GCNT1: variants seen among roughly 807,000 people sequenced by gnomAD.
GCNT1 encodes glucosaminyl (N-acetyl) transferase 1, also known as beta-1,3-galactosyl-O-glycosyl-glycoprotein beta-1,6-N-acetylglucosaminyltransferase.
Under a neutral mutation model 26.2 loss-of-function variants are expected in GCNT1, and 16 were observed. That is an observed-to-expected ratio of 0.61 (90% CI 0.41 to 0.93). GCNT1 has a LOEUF of 0.93. Among genes scored for constraint, GCNT1 ranks in the 40% least tolerant of loss-of-function variants. The probability of loss-of-function intolerance (pLI) is 0.00; values close to 1 mark genes in which losing one functional copy is unlikely to be tolerated. For synonymous variants in GCNT1, 183 were observed against 190.8 expected (o/e 0.96, Z 0.34); for missense variants, 477 against 526.7 (o/e 0.91, Z 0.92).
At position 76,490,648 on chromosome 9, in the gene GCNT1, G is replaced by A. The variant is rs147761343; in HGVS notation, c.-289-10268G>A. ...TTAATAAAACCTTGTTCAGTCCATA[G>A]TAACTTAGAATTGGTATAGATGGCT... is the stretch of plus-strand genomic sequence containing the variant. On this transcript the variant is annotated intron_variant, in intron 2 of 3. Coordinates refer to ENST00000376730, the MANE Select transcript of GCNT1 (RefSeq NM_001490.5). Among the ~76,000 whole-genome samples, 49 of 152,332 alleles carry A rather than the reference G, an allele frequency of 3.2e-4. No homozygotes were observed. The East Asian group carries it at 8.9e-3, about 28-fold the overall frequency.
rs1342113649 is a variant in GCNT1 at position 76,502,962 on chromosome 9, A to C, written c.581A>C (p.Gln194Pro). 6.2e-7 allele frequency: 1 copy of C among 1,613,134 alleles called. No individual in the cohort carries two copies. The highest frequency in any genetic ancestry group is 8.5e-7 in the Non-Finnish European group (1 of 1,179,968). ...SVVYASWSRV[Q>P]ADLNCMKDLY... is the part of the protein sequence containing the mutation. ...GTTTATGCATCGTGGAGCCGGGTTC[A>C]GGCTGACCTCAACTGCATGAAGGAT... Residue 194 changes from glutamine to proline, a missense_variant, in exon 4 of 4, where the codon CAG becomes CCG. Gln to Pro is a moderately conservative substitution (Grantham distance 76). Transcript: ENST00000376730.
chr9:76,489,772 G>A (rs1184904329), intron 2 of GCNT1, among the ~76,000 whole-genome samples: 2 of 152,162 alleles, frequency 1.3e-5, no homozygotes, highest in Non-Finnish European at 2.9e-5. Flanking sequence ...CACCCCAACT[G>A]CTGTTGGGAA....
At chr9:76,434,832 G>C (rs1428155506) in intron 1 of GCNT1, among the ~76,000 whole-genome samples, 1 of 152,074 alleles carries the variant, frequency 6.6e-6, no homozygotes, top group African/African-American at 2.4e-5. Flanking sequence ...TGCATTCCTG[G>C]GGAGAGGTCT....
chr9:76,448,527 A>G lies in GCNT1; in HGVS notation c.-290+6212A>G, dbSNP rs578030354. On this transcript the variant is annotated intron_variant, in intron 1 of 2. Transcript: ENST00000442371. ...TATAGCTGTTTAGGTGTATAGTTCCATGACTTCTGACCAACCTACTAACCC... is the reference window on the plus strand; with the variant it reads ...TATAGCTGTTTAGGTGTATAGTTCCGTGACTTCTGACCAACCTACTAACCC... 2.6e-5 allele frequency among the ~76,000 whole-genome samples: 4 copies of G among 152,284 alleles called. No individual in the cohort carries two copies. In the South Asian group the frequency reaches 8.3e-4, roughly 32 times the overall value.
At chr9:76,440,718 C>T (rs1823472803), upstream of GCNT1, among the ~76,000 whole-genome samples, 2 of 152,152 alleles carry the variant, frequency 1.3e-5, no homozygotes, top group Non-Finnish European at 2.9e-5. Flanking sequence ...TAAGAGGAGT[C>T]TTCCCTGGTC....
intron 2 of GCNT1, among the ~76,000 whole-genome samples, chr9:76,478,505 C>T (rs560162011): frequency 3.9e-5 from 6 of 152,276 alleles, no homozygotes; most frequent in African/African-American, 9.6e-5. Flanking sequence ...TAATACTCAC[C>T]GGGAGGGTCC....
chr9:76,480,384 C>G (rs1326503809), intron 2 of GCNT1, among the ~76,000 whole-genome samples: 1 of 152,038 alleles, frequency 6.6e-6, no homozygotes, highest in African/African-American at 2.4e-5. Context: ...TTTTCCAATT[C>G]TGTGAAAAAA....
chr9:76,430,452 G>T (rs549756643), intron 1 of GCNT1, among the ~76,000 whole-genome samples: 2 of 152,038 alleles, frequency 1.3e-5, no homozygotes, highest in South Asian at 2.1e-4. Context: ...TGGGATCATG[G>T]CTCCCTGCAT....
the GCNT1 span, among the ~76,000 whole-genome samples, chr9:76,407,883 A>C: frequency 6.6e-6 from 1 of 152,136 alleles, no homozygotes; most frequent in Middle Eastern, 3.2e-3. Flanking sequence ...TGTTAATATA[A>C]ATGGTATTGA....
At chr9:76,463,344 T>C (rs1023519384) in intron 2 of GCNT1, among the ~76,000 whole-genome samples, 2 of 152,194 alleles carry the variant, frequency 1.3e-5, no homozygotes, top group African/African-American at 4.8e-5. Context: ...TGTGACTGCG[T>C]TGGTTGCCCA....
the GCNT1 span, among the ~76,000 whole-genome samples, chr9:76,412,990 G>A: frequency 6.6e-6 from 1 of 152,136 alleles, no homozygotes. Flanking sequence ...CAGCCCATGG[G>A]TTCCTCATTC....
At chr9:76,403,722 T>C in the GCNT1 span, among the ~76,000 whole-genome samples, 1 of 152,246 alleles carries the variant, frequency 6.6e-6, no homozygotes, top group Non-Finnish European at 1.5e-5. Flanking sequence ...ATAAAAAGAC[T>C]GTCTTAATTT....
At chr9:76,456,720 C>T (rs1261929471), upstream of GCNT1, among the ~76,000 whole-genome samples, 1 of 152,206 alleles carries the variant, frequency 6.6e-6, no homozygotes, top group Non-Finnish European at 1.5e-5. Flanking sequence ...CACCTGTAAT[C>T]CCAGCATTAT....
chr9:76,446,558 A>G (rs777057851), intron 1 of GCNT1, among the ~76,000 whole-genome samples: 28 of 152,202 alleles, frequency 1.8e-4, no homozygotes, highest in Non-Finnish European at 3.8e-4. Flanking sequence ...TGACCAAGCA[A>G]TACCACTTAC....
the GCNT1 span, among the ~76,000 whole-genome samples, chr9:76,413,653 G>GTTTTTGTTTTTTTGTT: frequency 1.7e-5 from 2 of 118,666 alleles, no homozygotes; most frequent in African/African-American, 3.1e-5. Context: ...GTTTTGTTTT[G>GTTTTTGTTTTTTTGTT]TTTTTTTTTT....
chr9:76,410,609 T>A, the GCNT1 span, among the ~76,000 whole-genome samples: 2 of 152,120 alleles, frequency 1.3e-5, no homozygotes, highest in Non-Finnish European at 2.9e-5. Flanking sequence ...TAAAAAAAGT[T>A]TAAAAAAATA....
intron 2 of GCNT1, among the ~76,000 whole-genome samples, chr9:76,479,757 G>A (rs182330335): frequency 5.3e-5 from 8 of 152,142 alleles, no homozygotes; most frequent in African/African-American, 1.2e-4. Context: ...GATATTAGCC[G>A]TTTGTCAGAT....
chr9:76,454,425 C>T (rs1025349993), upstream of GCNT1, among the ~76,000 whole-genome samples: 3 of 135,606 alleles, frequency 2.2e-5, no homozygotes, highest in Non-Finnish European at 4.7e-5. Context: ...GAACCAGTAT[C>T]AGGGAGTGGG....
intron 1 of GCNT1, among the ~76,000 whole-genome samples, chr9:76,423,773 G>T (rs1823229168): frequency 6.6e-6 from 1 of 152,216 alleles, no homozygotes; most frequent in South Asian, 2.1e-4. Context: ...GAAATCCATA[G>T]AAGTGAATTG....
Sources: gnomAD v4.1 joint callset for allele counts (sites outside exome capture counted in the v4.1 genomes callset) on GRCh38, gnomAD v4.1.1 for gene constraint, MANE v1.5 for transcripts, NCBI Gene and HGNC (gene_info 2026-07-23, HGNC 2026-07-21) for gene names.